Variants in CMKLR2 observed in about 807,000 individuals in gnomAD.
CMKLR2 encodes the protein chemerin chemokine-like receptor 2.
A neutral mutation model predicts 23.0 loss-of-function variants in CMKLR2; 18 were observed. The observed-to-expected ratio is 0.78, with a 90% CI of 0.54 to 1.16. The LOEUF (loss-of-function observed/expected upper bound fraction) is 1.16. CMKLR2 is among the 50% of genes most tolerant of loss of function. The pLI is 0.00. For missense variants in CMKLR2, 401 were observed against 412.7 expected (o/e 0.97, Z 0.25); for synonymous variants, 158 against 158.9 (o/e 0.99, Z 0.05).
intron 1 of CMKLR2, among the ~76,000 whole-genome samples, chr2:206,211,941 G>A (rs1459588816): frequency 6.7e-6 from 1 of 148,476 alleles, no homozygotes; most frequent in Non-Finnish European, 1.5e-5. Context: ...ACTTGGGAAC[G>A]CCCATATCTA....
upstream of CMKLR2, among the ~76,000 whole-genome samples, chr2:206,214,846 C>T (rs1001550803): frequency 1.3e-5 from 2 of 151,792 alleles, no homozygotes; most frequent in Admixed American, 6.6e-5. Context: ...AGGATGGTCT[C>T]GATCTCCTGA....
intron 1 of CMKLR2, among the ~76,000 whole-genome samples, chr2:206,207,460 A>G (rs1221385583): frequency 6.6e-6 from 1 of 152,146 alleles, no homozygotes; most frequent in Non-Finnish European, 1.5e-5. Context: ...AATTAAAACC[A>G]GTTGACCTAA....
At chr2:206,187,922 G>C (rs546741200) in intron 1 of CMKLR2, among the ~76,000 whole-genome samples, 1 of 152,104 alleles carries the variant, frequency 6.6e-6, no homozygotes, top group Non-Finnish European at 1.5e-5. Context: ...TTTTGAGACA[G>C]AGTCTCTTTC....
intron 1 of CMKLR2, among the ~76,000 whole-genome samples, chr2:206,206,115 A>G (rs1479820669): frequency 6.6e-6 from 1 of 152,200 alleles, no homozygotes; most frequent in African/African-American, 2.4e-5. Context: ...GAAACACCAT[A>G]TTTATCTGTG....
intron 1 of CMKLR2, among the ~76,000 whole-genome samples, chr2:206,210,881 T>C (rs1020990055): frequency 2.6e-5 from 4 of 152,240 alleles, no homozygotes; most frequent in African/African-American, 9.6e-5. Flanking sequence ...GGTTTATCAT[T>C]ATAAACCGTT....
Position 206,207,728 on chromosome 2 carries a change from C to CTTTT in CMKLR2, c.-29+5575_-29+5578dup, listed in dbSNP as rs71034423. Among the ~76,000 whole-genome samples, 32 of 43,572 alleles carry CTTTT rather than the reference C, an allele frequency of 7.3e-4. 3 individuals are homozygous for CTTTT. Among genetic ancestry groups the CTTTT allele is most frequent in the South Asian group, 1.5e-3 (1 of 666 alleles). The allele number at this position is 43,572 out of a possible 152,430, so 28.6% of individuals were successfully genotyped here. ...ATCTGGGTCTGTCTGACCTCAGGGCCTTTTTTTTTTTTTTTTTTTTTTTTT... is the reference window on the plus strand; with the variant it reads ...ATCTGGGTCTGTCTGACCTCAGGGCCTTTTTTTTTTTTTTTTTTTTTTTTTTTTT... On this transcript the variant is annotated intron_variant, in intron 1 of 1. Coordinates refer to ENST00000621141, the MANE Select transcript of CMKLR2 (RefSeq NM_001389445.1).
chr2:206,180,106 TATA>T (rs1310960025), intron 1 of CMKLR2, among the ~76,000 whole-genome samples: 1 of 151,980 alleles, frequency 6.6e-6, no homozygotes, highest in East Asian at 1.9e-4. Context: ...TGCAGATAAT[TATA>T]ATAATTATTA....
chr2:206,213,641 G>A (rs1689648306), upstream of CMKLR2: 1 of 152,208 alleles, frequency 6.6e-6, no homozygotes, highest in Non-Finnish European at 1.5e-5. Context: ...GCTGCAGACT[G>A]AAAATCGGTA....
upstream of CMKLR2, among the ~76,000 whole-genome samples, chr2:206,216,663 G>A (rs149466890): frequency 2.0e-5 from 3 of 152,248 alleles, no homozygotes; most frequent in South Asian, 2.1e-4. Context: ...ACACAATGCC[G>A]CTATCATATT....
chr2:206,182,812 G>T (rs907979614), intron 1 of CMKLR2, among the ~76,000 whole-genome samples: 1 of 152,056 alleles, frequency 6.6e-6, no homozygotes, highest in Admixed American at 6.6e-5. Flanking sequence ...TAGAAACAAG[G>T]TTTCACCTTC....
chr2:206,189,888 A>G (rs1688696771), intron 1 of CMKLR2, among the ~76,000 whole-genome samples: 6 of 152,194 alleles, frequency 3.9e-5, no homozygotes, highest in Non-Finnish European at 1.5e-5. Flanking sequence ...ACACCCCAGA[A>G]TGTACTCAAG....
upstream of CMKLR2, among the ~76,000 whole-genome samples, chr2:206,214,273 G>A (rs1689676963): frequency 6.8e-6 from 1 of 146,100 alleles, no homozygotes; most frequent in Non-Finnish European, 1.5e-5. Context: ...CCGTGTTCAA[G>A]GAATTATCCT....
intron 1 of CMKLR2, among the ~76,000 whole-genome samples, chr2:206,179,618 C>A (rs920989187): frequency 6.6e-6 from 1 of 152,018 alleles, no homozygotes; most frequent in Non-Finnish European, 1.5e-5. Context: ...AATAAGCCAC[C>A]GCGCCCTGCC....
intron 1 of CMKLR2, among the ~76,000 whole-genome samples, chr2:206,201,544 G>A (rs1689097067): frequency 6.6e-6 from 1 of 152,078 alleles, no homozygotes; most frequent in South Asian, 2.1e-4. Context: ...ATCACAATTA[G>A]TGCCCTGTGA....
At chr2:206,180,998 G>A (rs771458408) in intron 1 of CMKLR2, among the ~76,000 whole-genome samples, 1 of 150,000 alleles carries the variant, frequency 6.7e-6, no homozygotes, top group Non-Finnish European at 1.5e-5. Context: ...CAGGTGATCC[G>A]CCCACCTTGG....
intron 1 of CMKLR2, among the ~76,000 whole-genome samples, chr2:206,208,546 CA>C (rs1024581980): frequency 1.4e-4 from 21 of 151,870 alleles, no homozygotes; most frequent in African/African-American, 4.3e-4. Flanking sequence ...AATAAACAAA[CA>C]AATGTTATGC....
At chr2:206,192,624 C>CTT (rs770431915) in intron 1 of CMKLR2, among the ~76,000 whole-genome samples, 1 of 146,392 alleles carries the variant, frequency 6.8e-6, no homozygotes, top group Admixed American at 6.9e-5. Flanking sequence ...TGCTCTACCA[C>CTT]TTTTTTTTTT....
intron 1 of CMKLR2, among the ~76,000 whole-genome samples, chr2:206,213,105 G>A (rs933313595): frequency 1.4e-4 from 21 of 152,170 alleles, no homozygotes; most frequent in African/African-American, 4.6e-4. Flanking sequence ...GAACCCTGTA[G>A]GATCGTCCCT....
chr2:206,201,407 C>T (rs909983809), intron 1 of CMKLR2, among the ~76,000 whole-genome samples: 8 of 152,128 alleles, frequency 5.3e-5, no homozygotes, highest in East Asian at 1.9e-4. Context: ...TAAAGAGATA[C>T]GTAATATTGA....
Sources: allele counts gnomAD v4.1 joint callset (sites outside exome capture counted in the v4.1 genomes callset), GRCh38; gene constraint gnomAD v4.1.1; transcripts MANE v1.5; gene names NCBI Gene and HGNC (gene_info 2026-07-23, HGNC 2026-07-21).